The following CCDC14 variants were observed in gnomAD, a reference collection of about 807,000 sequenced individuals.
CCDC14 encodes coiled-coil domain-containing protein 14.
A neutral mutation model predicts 81.4 loss-of-function variants in CCDC14; 71 were observed. The ratio of observed to expected loss-of-function variants is 0.87; its 90% CI spans 0.72 to 1.06. The LOEUF is 1.06. CCDC14 is among the 50% of genes least tolerant of loss of function. CCDC14 has a pLI of 0.00. For missense variants in CCDC14, 1,046 were observed against 1,047.3 expected (o/e 1.00, Z 0.02); for synonymous variants, 332 against 364.8 (o/e 0.91, Z 1.03).
intron 12 of CCDC14, among the ~76,000 whole-genome samples, chr3:123,927,249 TAAA>T (rs34679177): frequency 4.0e-5 from 5 of 124,296 alleles, no homozygotes; most frequent in Admixed American, 8.1e-5. Context: ...CTACTAAAAG[TAAA>T]AAAAAAAAAA....
intron 2 of CCDC14, 149 bp downstream of exon 2, chr3:123,956,591 A>G: frequency 2.7e-6 from 2 of 746,382 alleles, no homozygotes; most frequent in Non-Finnish European, 2.2e-6. Flanking sequence ...TACTAAAATG[A>G]TTAACATGGG....
chr3:123,900,944 A>G (rs914898050), intron 5 of CCDC14, among the ~76,000 whole-genome samples: 10 of 152,126 alleles, frequency 6.6e-5, no homozygotes, highest in African/African-American at 2.4e-4. Context: ...ATATAAGAAG[A>G]CAGAGTAGGC....
chr3:123,887,913 TTTTAA>T, the CCDC14 span, among the ~76,000 whole-genome samples: 2 of 152,126 alleles, frequency 1.3e-5, no homozygotes, highest in East Asian at 1.9e-4. Flanking sequence ...CCTTAAATCT[TTTTAA>T]TTTCTTTCTT....
intron 9 of CCDC14, among the ~76,000 whole-genome samples, chr3:123,943,977 C>T (rs1161240066): frequency 3.9e-5 from 6 of 152,226 alleles, no homozygotes; most frequent in African/African-American, 4.8e-5. Flanking sequence ...AAGGGAACTT[C>T]GATTTATAGC....
Position 123,897,914 on chromosome 3 carries a change from A to G in CCDC14, c.668-301T>C, listed in dbSNP as rs9870595. The stretch of plus-strand genomic sequence containing the variant: ...TGGCTGAGAAATCTATCTACTGTAT[A>G]AAGTAAATCTGGAGATATTTTATAT... On this transcript the variant is annotated intron_variant, in intron 5 of 5. Coordinates refer to the CCDC14 transcript ENST00000479903. 6.8e-3 allele frequency among the ~76,000 whole-genome samples: 1,040 copies of G among 152,356 alleles called. 11 individuals are homozygous for G. The highest frequency in any genetic ancestry group is 0.024 in the African/African-American group (995 of 41,566).
rs551565275 is a variant in CCDC14, at chr3:123,921,349, T to C, written c.1779-5631A>G. Among the ~76,000 whole-genome samples the C allele has an allele frequency of 6.3e-4, 96 of 152,006 alleles. No individual in the cohort carries two copies. The Middle Eastern group carries it at 0.014, about 22-fold the overall frequency. ...TGAAGAGATGGAAAAATATATTCCA[T>C]AGGAAAGGAAACGAAGAAAGCAGGG... On this transcript the variant is annotated intron_variant, in intron 12 of 12. Transcript: ENST00000409697.
intron 5 of CCDC14, among the ~76,000 whole-genome samples, chr3:123,899,175 G>A (rs934723186): frequency 3.3e-5 from 5 of 152,060 alleles, no homozygotes; most frequent in African/African-American, 1.2e-4. Context: ...TTGTTTAATC[G>A]GTTTAGCTTC....
rs1304759856 is a variant in CCDC14, at chr3:123,915,401, G to A, written c.2096C>T (p.Pro699Leu). ...TTTTGAAAGGGCAGAAATAATTCCA[G>A]GTGCAGATGCTTCCTCCATGCCCCT... ...NTRGMEEASAPGIISALSKQD... is the reference protein window; with the variant it reads ...NTRGMEEASALGIISALSKQD... Residue 699 changes from proline to leucine, a missense_variant, in exon 13 of 13, where the codon CCT (proline) becomes CTT (leucine). Coordinates refer to ENST00000409697, the MANE Select transcript of CCDC14 (RefSeq NM_001366335.1). The A allele has an allele frequency of 1.9e-6, 3 of 1,613,684 alleles. No individual in the cohort carries two copies. In the East Asian group the frequency reaches 6.7e-5, roughly 36 times the overall value.
At chr3:123,889,168 G>A in the CCDC14 span, among the ~76,000 whole-genome samples, 1,288 of 152,286 alleles carry the variant, frequency 8.5e-3, 12 homozygotes, top group African/African-American at 0.028. Flanking sequence ...CCAACAATTT[G>A]GGAGGCCAAG....
chr3:123,923,457 A>T (rs914500104), intron 12 of CCDC14, among the ~76,000 whole-genome samples: 2 of 152,066 alleles, frequency 1.3e-5, no homozygotes, highest in African/African-American at 2.4e-5. Flanking sequence ...GAAAAAAAAT[A>T]GAAGATAATA....
At chr3:123,933,926 CTAT>C (rs1284978749) in intron 9 of CCDC14, among the ~76,000 whole-genome samples, 171 bp from the exon 10 acceptor site, 3 of 152,104 alleles carry the variant, frequency 2.0e-5, no homozygotes, top group Admixed American at 1.3e-4. Flanking sequence ...AACCATACTA[CTAT>C]TATTATGAGG....
rs960234947 is a variant in CCDC14, at chr3:123,914,679, CATA to C, written c.*97_*99del. On this transcript the variant is annotated 3_prime_UTR_variant, in exon 13 of 13. Coordinates refer to ENST00000409697, the MANE Select transcript of CCDC14 (RefSeq NM_001366335.1). ...TACTTGTACAATATATTACTTCACA[CATA>C]ATAACATAAAACATCATTTCACTAA... The C allele has an allele frequency of 3.1e-5, 44 of 1,437,062 alleles. No individual in the cohort carries two copies. Among genetic ancestry groups the C allele is most frequent in the African/African-American group, 1.1e-4 (8 of 69,648 alleles). 89.0% of individuals were successfully genotyped at this position (1,437,062 alleles called of 1,614,324 possible).
Position 123,914,313 on chromosome 3 carries a change from C to A in CCDC14, c.*466G>T. On this transcript the variant is annotated 3_prime_UTR_variant, in exon 13 of 13. Transcript: ENST00000409697. The stretch of plus-strand genomic sequence containing the variant: ...ATGTTTATATATTTCACCAACAACA[C>A]TGGCCTGTGGCACACAGCATGTTTA... 1 of 984,734 alleles carries A rather than the reference C, an allele frequency of 1.0e-6. No individual in the cohort carries two copies. The allele number at this position is 984,734 out of a possible 1,614,324, so 61.0% of individuals were successfully genotyped here. A position where few individuals can be genotyped will look rare whatever the true frequency, so the allele number is the denominator to read the frequency against.
intron 12 of CCDC14, among the ~76,000 whole-genome samples, chr3:123,929,566 G>A (rs897637125): frequency 6.6e-6 from 1 of 152,170 alleles, no homozygotes; most frequent in Non-Finnish European, 1.5e-5. Flanking sequence ...GCCTCCCAAA[G>A]TGCTGGGGTT....
chr3:123,896,964 C>A (rs2034074734), downstream of CCDC14, among the ~76,000 whole-genome samples: 1 of 152,080 alleles, frequency 6.6e-6, no homozygotes, highest in African/African-American at 2.4e-5. Context: ...TAAGTCTTTA[C>A]AATTGTTATC....
Position 123,913,463 on chromosome 3 carries a change from G to A in CCDC14, c.*1316C>T. On this transcript the variant is annotated 3_prime_UTR_variant, in exon 13 of 13. Coordinates refer to ENST00000409697, the MANE Select transcript of CCDC14 (RefSeq NM_001366335.1). ...TTATTTTTTATTTCTGAACTTATTT[G>A]TTAAAGAGTTGTGGCCTATTACCTC... 3 of 980,042 alleles carry A rather than the reference G, an allele frequency of 3.1e-6. No individual in the cohort carries two copies. The highest frequency in any genetic ancestry group is 3.6e-6 in the Non-Finnish European group (3 of 825,388). The allele number at this position is 980,042 out of a possible 1,614,324, so 60.7% of individuals were successfully genotyped here. A position where few individuals can be genotyped will look rare whatever the true frequency, so the allele number is the denominator to read the frequency against.
At chr3:123,954,998 G>A (rs1310568452) in intron 5 of CCDC14, 4 of 152,012 alleles carry the variant, frequency 2.6e-5, no homozygotes, top group Non-Finnish European at 4.4e-5. Context: ...TCTCTACCTT[G>A]GGACTATCTG....
Position 123,913,806 on chromosome 3 carries a change from A to T in CCDC14, c.*973T>A, listed in dbSNP as rs1258937811. On this transcript the variant is annotated 3_prime_UTR_variant, in exon 13 of 13. Transcript: ENST00000409697. ...AGGCAGGTGACCTGTACAAAGTATT[A>T]GTGATAACACAACATTCAGCTTCCT... 1.0e-6 allele frequency: 1 copy of T among 985,252 alleles called. No individual in the cohort carries two copies. The highest frequency in any genetic ancestry group is 1.2e-6 in the Non-Finnish European group (1 of 829,892). The allele number at this position is 985,252 out of a possible 1,614,324, so 61.0% of individuals were successfully genotyped here.
chr3:123,943,641 C>T (rs912772177), intron 9 of CCDC14, among the ~76,000 whole-genome samples: 1 of 152,150 alleles, frequency 6.6e-6, no homozygotes, highest in Non-Finnish European at 1.5e-5. Context: ...GGTTTCCCCA[C>T]TCTGTCTATT....
Sources: allele counts gnomAD v4.1 joint callset (sites outside exome capture counted in the v4.1 genomes callset), GRCh38; gene constraint gnomAD v4.1.1; transcripts MANE v1.5; gene names NCBI Gene and HGNC (gene_info 2026-07-23, HGNC 2026-07-21).